The following PDSS2 variants were observed in gnomAD, a reference collection of about 807,000 sequenced individuals.
The protein encoded by PDSS2 is decaprenyl diphosphate synthase subunit 2, also known as all trans-polyprenyl-diphosphate synthase PDSS2.
In PDSS2, 31 loss-of-function variants were observed where a neutral mutation model predicts 44.5. The ratio of observed to expected loss-of-function variants is 0.70; its 90% CI spans 0.52 to 0.94. The LOEUF (loss-of-function observed/expected upper bound fraction) is 0.94, where lower values mean the gene tolerates loss of function less well. Ranked by LOEUF, PDSS2 falls within the 40% of genes least tolerant of loss-of-function variation. The pLI, the probability that PDSS2 is intolerant of heterozygous loss-of-function variation, is 0.00. For missense variants in PDSS2, 452 were observed against 482.2 expected, an observed-to-expected ratio of 0.94 and a Z score of 0.59; for synonymous variants, 157 against 180.3, an observed-to-expected ratio of 0.87 and a Z score of 1.03.
chr6:107,414,055 C>A (rs1780587436), intron 1 of PDSS2, among the ~76,000 whole-genome samples: 1 of 152,094 alleles, frequency 6.6e-6, no homozygotes, highest in Admixed American at 6.5e-5. Context: ...GTCAAAAGTA[C>A]AATTAAGATG....
intron 4 of PDSS2, among the ~76,000 whole-genome samples, chr6:107,234,625 C>G (rs1774166927): frequency 6.6e-6 from 1 of 151,880 alleles, no homozygotes; most frequent in Non-Finnish European, 1.5e-5. Flanking sequence ...TCTGGAGAGT[C>G]TGCCAGCACC....
At position 107,302,974 on chromosome 6, in the gene PDSS2, G is replaced by T. The variant is rs7758104; in HGVS notation, c.432-28747C>A. ...TGTTTCCTTTTACATTTTTAGTGTG[G>T]CTACTAGCAGATTAAAATTATATTT... is the stretch of plus-strand genomic sequence containing the variant. On this transcript the variant is annotated intron_variant, in intron 2 of 7. Coordinates refer to ENST00000369037, the MANE Select transcript of PDSS2 (RefSeq NM_020381.4). Among the ~76,000 whole-genome samples the T allele has an allele frequency of 7.8e-3, 1,189 of 152,040 alleles. 18 individuals carry two copies. Among genetic ancestry groups the T allele is most frequent in the African/African-American group, 0.028 (1,142 of 41,436 alleles).
chr6:107,191,227 G>A (rs545316678), intron 7 of PDSS2, among the ~76,000 whole-genome samples: 40 of 152,242 alleles, frequency 2.6e-4, no homozygotes, highest in Non-Finnish European at 2.4e-4. Context: ...AGAGAGAAAC[G>A]GTCAGATTGG....
At chr6:107,429,050 T>G (rs971213020) in intron 1 of PDSS2, among the ~76,000 whole-genome samples, 1 of 152,124 alleles carries the variant, frequency 6.6e-6, no homozygotes, top group African/African-American at 2.4e-5. Flanking sequence ...TCTGGGAGAA[T>G]GCAAACTCAG....
intron 1 of PDSS2, among the ~76,000 whole-genome samples, chr6:107,379,665 G>A (rs1445981813): frequency 6.6e-6 from 1 of 151,960 alleles, no homozygotes; most frequent in Non-Finnish European, 1.5e-5. Context: ...TGCATCTTTA[G>A]TTCTACTTTG....
intron 2 of PDSS2, among the ~76,000 whole-genome samples, chr6:107,318,814 C>A (rs566911043): frequency 2.0e-5 from 3 of 152,182 alleles, no homozygotes; most frequent in African/African-American, 7.2e-5. Context: ...TGGTGAAACC[C>A]CATCTCTACT....
chr6:107,205,486 G>A (rs755661239), intron 6 of PDSS2, among the ~76,000 whole-genome samples: 3 of 152,160 alleles, frequency 2.0e-5, no homozygotes, highest in African/African-American at 4.8e-5. Context: ...GAATCAAAAT[G>A]ATAACTGAGT....
intron 1 of PDSS2, among the ~76,000 whole-genome samples, chr6:107,453,015 T>C (rs1781925490): frequency 6.6e-6 from 1 of 152,158 alleles, no homozygotes; most frequent in Non-Finnish European, 1.5e-5. Context: ...ATGAATTTTT[T>C]GGTGTCATGT....
intron 2 of PDSS2, among the ~76,000 whole-genome samples, chr6:107,315,762 T>A (rs1045738262): frequency 6.6e-6 from 1 of 152,088 alleles, no homozygotes; most frequent in South Asian, 2.1e-4. Context: ...GAGGACCTAA[T>A]TGAAATCTTG....
chr6:107,413,689 G>A (rs942931661), intron 1 of PDSS2, among the ~76,000 whole-genome samples: 2 of 152,098 alleles, frequency 1.3e-5, no homozygotes, highest in African/African-American at 4.8e-5. Flanking sequence ...GATCTTGAAC[G>A]CCTGACCCCA....
intron 2 of PDSS2, among the ~76,000 whole-genome samples, chr6:107,321,242 G>C (rs140303836): frequency 7.9e-5 from 12 of 152,146 alleles, no homozygotes; most frequent in African/African-American, 2.9e-4. Context: ...TCTAGCAGAG[G>C]GACAAGATAA....
At chr6:107,160,073 G>A (rs1258178992) in intron 7 of PDSS2, among the ~76,000 whole-genome samples, 1 of 152,038 alleles carries the variant, frequency 6.6e-6, no homozygotes, top group Admixed American at 6.6e-5. Flanking sequence ...AAAATTAGCT[G>A]GGCATGGTGC....
At chr6:107,323,075 C>T (rs577686078) in intron 2 of PDSS2, among the ~76,000 whole-genome samples, 4 of 152,152 alleles carry the variant, frequency 2.6e-5, no homozygotes, top group African/African-American at 9.7e-5. Context: ...CAGCTCTCAC[C>T]TATCATCTTA....
At chr6:107,413,058 AT>A (rs552675861) in intron 1 of PDSS2, among the ~76,000 whole-genome samples, 60 of 152,230 alleles carry the variant, frequency 3.9e-4, no homozygotes, top group Non-Finnish European at 7.5e-4. Flanking sequence ...GCTTTAGCTT[AT>A]GTTTTAATAT....
intron 1 of PDSS2, among the ~76,000 whole-genome samples, chr6:107,359,410 G>T (rs965519734): frequency 6.6e-6 from 1 of 151,672 alleles, no homozygotes; most frequent in Admixed American, 6.6e-5. Context: ...ATCACTTGAG[G>T]CCAGGAGTTC....
intron 1 of PDSS2, among the ~76,000 whole-genome samples, chr6:107,353,867 T>C (rs1186268921): frequency 2.6e-5 from 4 of 152,112 alleles, no homozygotes; most frequent in Admixed American, 6.5e-5. Context: ...GGGAAAAGCT[T>C]ATGATTTTAA....
At chr6:107,221,400 G>C (rs1240736613) in intron 4 of PDSS2, among the ~76,000 whole-genome samples, 1 of 147,360 alleles carries the variant, frequency 6.8e-6, no homozygotes, top group African/African-American at 2.5e-5. Context: ...TTACATATGT[G>C]CAGTTTTTAC....
At chr6:107,377,267 A>G (rs1277627052) in intron 1 of PDSS2, among the ~76,000 whole-genome samples, 1 of 152,222 alleles carries the variant, frequency 6.6e-6, no homozygotes, top group Non-Finnish European at 1.5e-5. Flanking sequence ...ACATTTATGC[A>G]GCCAAAACAC....
At chr6:107,199,170 C>A (rs1324639147) in intron 6 of PDSS2, among the ~76,000 whole-genome samples, 2 of 152,134 alleles carry the variant, frequency 1.3e-5, no homozygotes, top group Admixed American at 6.5e-5. Context: ...AACAAATACT[C>A]ATTCAGCACC....
Sources: allele counts gnomAD v4.1 joint callset (sites outside exome capture counted in the v4.1 genomes callset), GRCh38; gene constraint gnomAD v4.1.1; transcripts MANE v1.5; gene names NCBI Gene and HGNC (gene_info 2026-07-23, HGNC 2026-07-21).